PKD1L3: variants seen among roughly 807,000 people sequenced by gnomAD.
PKD1L3 encodes polycystin 1 like 3, transient receptor potential channel interacting, also known as polycystin-1-like protein 3.
Under a neutral mutation model 184.1 loss-of-function variants are expected in PKD1L3, and 239 were observed. The observed-to-expected ratio is 1.30, with a 90% CI of 1.17 to 1.45. The LOEUF (loss-of-function observed/expected upper bound fraction) is 1.45. Among genes scored for constraint, PKD1L3 ranks in the 40% most tolerant of loss-of-function variants. The pLI is 0.00. For synonymous variants in PKD1L3, 996 were observed against 778.8 expected (o/e 1.28, Z -4.64); for missense variants, 2,660 against 2,067.2 (o/e 1.29, Z -5.56).
At chr16:71,981,987 C>A (rs1597361692) in intron 7 of PKD1L3, 72 bp downstream of exon 7, 2 of 1,366,144 alleles carry the variant, frequency 1.5e-6, no homozygotes, top group Non-Finnish European at 2.0e-6. Flanking sequence ...TGGGGAGAGG[C>A]TGTGATACCT....
At chr16:71,999,571 G>C in intron 1 of PKD1L3, 113 bp downstream of exon 1, 1 of 1,047,648 alleles carries the variant, frequency 9.5e-7, no homozygotes, top group Non-Finnish European at 1.3e-6. Flanking sequence ...GAAGTAAAGT[G>C]ACTGGTTTTT....
chr16:71,931,071 T>C (rs1466432804), intron 28 of PKD1L3: 1 of 148,122 alleles, frequency 6.8e-6, no homozygotes, highest in Non-Finnish European at 1.5e-5. Flanking sequence ...ACAATTTTAC[T>C]GTTTATTTTT....
At chr16:71,959,111 A>G (rs1185683302) in intron 16 of PKD1L3, among the ~76,000 whole-genome samples, 2 of 147,428 alleles carry the variant, frequency 1.4e-5, no homozygotes, top group South Asian at 2.2e-4. Context: ...AAAAGACACT[A>G]AAAGAATACA....
Position 71,984,177 on chromosome 16 carries a change from A to G in PKD1L3, c.835-10T>C. 1 of 1,550,552 alleles carries G rather than the reference A, an allele frequency of 6.4e-7. No individual in the cohort carries two copies. The highest frequency in any genetic ancestry group is 1.2e-5 in the South Asian group (1 of 84,014). On this transcript the variant is annotated splice_polypyrimidine_tract_variant and intron_variant, in intron 5 of 29. Coordinates refer to ENST00000620267, the MANE Select transcript of PKD1L3 (RefSeq NM_181536.2). Reference sequence around the variant, plus strand: ...CTATCTCATCTATGACCTATTGGGAACAAAGAAGTTGTCAAAATTACTCAT... The same window carrying G: ...CTATCTCATCTATGACCTATTGGGAGCAAAGAAGTTGTCAAAATTACTCAT...
intron 15 of PKD1L3, among the ~76,000 whole-genome samples, chr16:71,963,742 C>T (rs1446603983): frequency 6.6e-6 from 1 of 152,006 alleles, no homozygotes; most frequent in Admixed American, 6.6e-5. Flanking sequence ...GAAATTGCAC[C>T]ACTGCATTCT....
chr16:71,977,559 T>TATTC, intron 10 of PKD1L3, 92 bp from the exon 11 acceptor site: 1 of 701,022 alleles, frequency 1.4e-6, no homozygotes, highest in Non-Finnish European at 2.1e-6. Flanking sequence ...ACGTCCTAGC[T>TATTC]CTTTTTTTTT....
intron 28 of PKD1L3, chr16:71,931,010 A>G (rs545647552): frequency 2.0e-5 from 3 of 152,334 alleles, no homozygotes; most frequent in South Asian, 2.1e-4. Context: ...AATGTGGGCA[A>G]TCTCTGAGTT....
chr16:71,994,797 G>A (rs940763341), intron 2 of PKD1L3, among the ~76,000 whole-genome samples: 1 of 152,004 alleles, frequency 6.6e-6, no homozygotes, highest in Non-Finnish European at 1.5e-5. Context: ...TCAGGAGTTC[G>A]AGACCAGCCT....
chr16:71,969,549 T>C (rs993390385), intron 13 of PKD1L3, among the ~76,000 whole-genome samples: 1 of 148,460 alleles, frequency 6.7e-6, no homozygotes, highest in Admixed American at 6.8e-5. Flanking sequence ...TGAGCTCAAG[T>C]GATCCTCCTG....
chr16:71,987,404 T>C (rs2040414900), intron 4 of PKD1L3, among the ~76,000 whole-genome samples: 2 of 150,950 alleles, frequency 1.3e-5, no homozygotes, highest in African/African-American at 4.9e-5. Context: ...GATGGAGTCT[T>C]GCTCTGTTAC....
rs1441636553 is a variant in PKD1L3, at chr16:71,984,090, A to C, written c.912T>G (p.Cys304Trp). Residue 304 changes from cysteine (C) to tryptophan (W), a missense_variant, in exon 6 of 30, where the codon TGT becomes TGG. Transcript: ENST00000620267. ...AGGCTGTTAGTTTCTGGAGGAACTC[A>C]CAAGCTTCCTGTAGTTTGTTAAGAG... Reference protein sequence around the residue: ...LQALNKLQEACEFLQKLTALT... With the variant: ...LQALNKLQEAWEFLQKLTALT... The C allele has an allele frequency of 6.4e-7, 1 of 1,552,140 alleles. No individual in the cohort carries two copies. Among genetic ancestry groups the C allele is most frequent in the African/African-American group, 1.4e-5 (1 of 73,056 alleles).
At chr16:71,977,153 C>CA (rs1281436631) in intron 11 of PKD1L3, 83 bp downstream of exon 11, 5 of 1,053,496 alleles carry the variant, frequency 4.7e-6, no homozygotes, top group Non-Finnish European at 5.6e-6. Context: ...TTTGAGGCTG[C>CA]AGTCAACAAT....
intron 26 of PKD1L3, 39 bp downstream of exon 26, chr16:71,935,319 G>A (rs2038135720): frequency 4.6e-6 from 7 of 1,525,174 alleles, no homozygotes; most frequent in South Asian, 1.2e-5. Context: ...CTTTAGACAT[G>A]AGGTAGGAAT....
chr16:71,999,787 C>G lies in PKD1L3; in HGVS notation c.192G>C (p.Lys64Asn). The G allele has an allele frequency of 6.4e-7, 1 of 1,551,692 alleles. No homozygotes were observed. The highest frequency in any genetic ancestry group is 8.7e-7 in the Non-Finnish European group (1 of 1,146,972). ...AGTCCCGGATGAGATCTTGAACTTC[C>G]TTGTTCCAAATATGAGCTAGGAATC... is the stretch of plus-strand genomic sequence containing the variant. ...QRGFLAHIWNKEVQDLIRDYL... is the reference protein window; with the variant it reads ...QRGFLAHIWNNEVQDLIRDYL... The change falls in exon 1 of 30, where the codon AAG (lysine) becomes AAC (asparagine). Residue 64 changes from lysine to asparagine, a missense_variant. Physicochemically the swap from Lys to Asn is moderately conservative, Grantham distance 94. Coordinates refer to ENST00000620267, the MANE Select transcript of PKD1L3 (RefSeq NM_181536.2).
Position 71,944,143 on chromosome 16 carries a change from G to A in PKD1L3, c.3746C>T (p.Ser1249Leu). 6.4e-7 allele frequency: 1 copy of A among 1,550,838 alleles called. No individual in the cohort carries two copies. Among genetic ancestry groups the A allele is most frequent in the Admixed American group, 2.0e-5 (1 of 50,888 alleles). ...LAKCSSSVPG[S>L]RDKNNPVYVA... ...ATAGACGGGGTTGTTCTTATCTCTT[G>A]AACCTGGTACTGACGAAGAACATTT... The change falls in exon 23 of 30, where the codon TCA becomes TTA. Residue 1249 changes from serine (S) to leucine (L), a missense_variant. Ser to Leu is a moderately radical substitution (Grantham distance 145). Coordinates refer to ENST00000620267, the MANE Select transcript of PKD1L3 (RefSeq NM_181536.2).
Position 71,947,517 on chromosome 16 carries a change from T to C in PKD1L3, c.3693A>G (p.Gln1231=). ...CCAAGAGTGCCAAGATCCTCTTTGTTTGTTGTTCATTCTCTTTGTTAAGCC... is the reference window on the plus strand; with the variant it reads ...CCAAGAGTGCCAAGATCCTCTTTGTCTGTTGTTCATTCTCTTTGTTAAGCC... ...MPRLNKENEQ[Q]TKRILALLAK... Residue 1231 remains glutamine (Q), a synonymous_variant, in exon 22 of 30, where the codon CAA becomes CAG. Coordinates refer to ENST00000620267, the MANE Select transcript of PKD1L3 (RefSeq NM_181536.2). 1 of 1,543,570 alleles carries C rather than the reference T, an allele frequency of 6.5e-7. No individual in the cohort carries two copies. Among genetic ancestry groups the C allele is most frequent in the African/African-American group, 1.4e-5 (1 of 72,672 alleles).
intron 19 of PKD1L3, among the ~76,000 whole-genome samples, chr16:71,950,897 TA>T (rs1017722225): frequency 2.0e-5 from 3 of 151,340 alleles, no homozygotes; most frequent in African/African-American, 7.3e-5. Context: ...CATGACCAGC[TA>T]ATTTTTTTTT....
chr16:71,993,318 C>A lies in PKD1L3; in HGVS notation c.433G>T (p.Gly145Ter), dbSNP rs780618557. 7 of 1,546,070 alleles carry A rather than the reference C, an allele frequency of 4.5e-6. No individual in the cohort carries two copies. The highest frequency in any genetic ancestry group is 2.4e-5 in the South Asian group (2 of 83,352). Residue 145 changes from glycine (G) to a stop codon, truncating the protein, a stop_gained, in exon 3 of 30, where the codon GGA (glycine) becomes TGA (stop). Transcript: ENST00000620267. LOFTEE classifies it high-confidence loss of function. Reference sequence around the variant, plus strand: ...CCATTTCTTTCATAATGGGCATCTCCGTCCAAAAAGTCACCTATTTGAAAG... The same window carrying A: ...CCATTTCTTTCATAATGGGCATCTCAGTCCAAAAAGTCACCTATTTGAAAG... ...FICQTGDFLDGDAHYERNGNN... is the reference protein window; with the variant it reads ...FICQTGDFLD
chr16:71,972,008 A>AG (rs1163137426), intron 12 of PKD1L3, among the ~76,000 whole-genome samples: 1 of 151,688 alleles, frequency 6.6e-6, no homozygotes, highest in Non-Finnish European at 1.5e-5. Flanking sequence ...CGAGGACAGG[A>AG]GATCGAGACC....
Sources: gnomAD v4.1 joint callset for allele counts (sites outside exome capture counted in the v4.1 genomes callset) on GRCh38, gnomAD v4.1.1 for gene constraint, MANE v1.5 for transcripts, NCBI Gene and HGNC (gene_info 2026-07-23, HGNC 2026-07-21) for gene names.